Variants in ARHGAP15 observed in about 807,000 individuals in gnomAD.
ARHGAP15 encodes rho GTPase-activating protein 15.
ARHGAP15 carries 51 observed loss-of-function variants against 63.7 expected under a neutral mutation model. The ratio of observed to expected loss-of-function variants is 0.80; its 90% confidence interval spans 0.64 to 1.01. The LOEUF (loss-of-function observed/expected upper bound fraction) is 1.01. Among genes scored for constraint, ARHGAP15 ranks in the 50% least tolerant of loss-of-function variants. The pLI, the probability that ARHGAP15 is intolerant of heterozygous loss-of-function variation, is 0.00. For missense variants in ARHGAP15, 560 were observed against 564.6 expected, an observed-to-expected ratio of 0.99 and a Z score of 0.08; for synonymous variants, 191 against 193.8, an observed-to-expected ratio of 0.99 and a Z score of 0.12.
chr2:143,289,546 A>G (rs1682284921), intron 6 of ARHGAP15, among the ~76,000 whole-genome samples: 1 of 152,188 alleles, frequency 6.6e-6, no homozygotes. Flanking sequence ...AGCAGTTTAC[A>G]GGGTGGAAAA....
At chr2:143,557,505 G>C (rs72990840) in intron 11 of ARHGAP15, among the ~76,000 whole-genome samples, 1 of 152,070 alleles carries the variant, frequency 6.6e-6, no homozygotes, top group East Asian at 1.9e-4. Context: ...GTGAGCACAG[G>C]GGATTTTGAG....
intron 13 of ARHGAP15, among the ~76,000 whole-genome samples, chr2:143,745,363 A>G (rs1051589572): frequency 6.6e-6 from 1 of 152,228 alleles, no homozygotes; most frequent in African/African-American, 2.4e-5. Flanking sequence ...GGCAGCCACC[A>G]TCAGCCAGGT....
chr2:143,262,038 C>A (rs185948878), intron 6 of ARHGAP15, among the ~76,000 whole-genome samples: 16 of 152,152 alleles, frequency 1.1e-4, no homozygotes, highest in Admixed American at 1.0e-3. Context: ...AAGGCTCTTT[C>A]AGGTTTCCTA....
chr2:143,633,946 G>A (rs1400108872), intron 12 of ARHGAP15, among the ~76,000 whole-genome samples: 1 of 152,038 alleles, frequency 6.6e-6, no homozygotes, highest in African/African-American at 2.4e-5. Context: ...ATCTCTAGGA[G>A]AATGGTCTCT....
chr2:143,657,330 G>C (rs72994434), intron 12 of ARHGAP15, among the ~76,000 whole-genome samples: 34,396 of 152,162 alleles, frequency 0.23, 4,274 homozygotes, highest in Middle Eastern at 0.3. Context: ...CTGGGCAACA[G>C]AGTGAGGCTC....
At chr2:143,439,558 C>T (rs1226603129) in intron 8 of ARHGAP15, among the ~76,000 whole-genome samples, 1 of 140,246 alleles carries the variant, frequency 7.1e-6, no homozygotes, top group Non-Finnish European at 1.5e-5. Context: ...AAATATGAAA[C>T]ATTTACTGTG....
intron 4 of ARHGAP15, among the ~76,000 whole-genome samples, chr2:143,226,775 T>C (rs1171234562): frequency 6.6e-6 from 1 of 152,240 alleles, no homozygotes; most frequent in Non-Finnish European, 1.5e-5. Flanking sequence ...AAATACACAT[T>C]GTGCTTCTTG....
At chr2:143,222,760 G>A (rs1031160892) in intron 4 of ARHGAP15, among the ~76,000 whole-genome samples, 26 of 151,282 alleles carry the variant, frequency 1.7e-4, no homozygotes, top group Admixed American at 5.3e-4. Context: ...AGTTTTTTTT[G>A]CATTTTTCCA....
At chr2:143,438,714 C>A (rs1329477768) in intron 8 of ARHGAP15, among the ~76,000 whole-genome samples, 1 of 152,108 alleles carries the variant, frequency 6.6e-6, no homozygotes, top group Non-Finnish European at 1.5e-5. Flanking sequence ...TCCTTTCATG[C>A]CTGATCATTG....
chr2:143,637,653 A>G (rs1210459464), intron 12 of ARHGAP15, among the ~76,000 whole-genome samples: 1 of 152,134 alleles, frequency 6.6e-6, no homozygotes, highest in Non-Finnish European at 1.5e-5. Context: ...CATATAAGAC[A>G]AATTGCAAGG....
chr2:143,625,725 A>G lies in ARHGAP15; in HGVS notation c.1138+1458A>G, dbSNP rs570450206. Among the ~76,000 whole-genome samples the G allele has an allele frequency of 2.0e-5, 3 of 152,320 alleles. No homozygotes were observed. In the East Asian group the frequency reaches 5.8e-4, roughly 29 times the overall value. On this transcript the variant is annotated intron_variant, in intron 12 of 13. Coordinates refer to ENST00000295095, the MANE Select transcript of ARHGAP15 (RefSeq NM_018460.4). ...TCTTGGAACACCCAAGCAACTTACA[A>G]TGTTGGAACAGCGTTCTGGTAGGAA...
chr2:143,320,686 G>A (rs1199650116), intron 6 of ARHGAP15, among the ~76,000 whole-genome samples: 1 of 151,114 alleles, frequency 6.6e-6, no homozygotes, highest in Admixed American at 6.9e-5. Context: ...GGGAAGCTTG[G>A]GAAAATTCTC....
At chr2:143,494,291 T>C (rs1209072318) in intron 9 of ARHGAP15, among the ~76,000 whole-genome samples, 1 of 152,140 alleles carries the variant, frequency 6.6e-6, no homozygotes, top group Admixed American at 6.5e-5. Flanking sequence ...TGTTCCCCAA[T>C]ATTTATATTA....
chr2:143,305,011 A>G (rs982076391), intron 6 of ARHGAP15, among the ~76,000 whole-genome samples: 1 of 152,110 alleles, frequency 6.6e-6, no homozygotes, highest in Non-Finnish European at 1.5e-5. Flanking sequence ...ATTCTACTAT[A>G]AAGACACATG....
At chr2:143,643,193 A>T (rs539565610) in intron 12 of ARHGAP15, among the ~76,000 whole-genome samples, 2 of 152,144 alleles carry the variant, frequency 1.3e-5, no homozygotes, top group East Asian at 3.9e-4. Context: ...AATTGTCAGG[A>T]TATGTTTAAG....
intron 10 of ARHGAP15, among the ~76,000 whole-genome samples, chr2:143,529,287 C>T (rs573371159): frequency 3.3e-5 from 5 of 152,108 alleles, no homozygotes; most frequent in African/African-American, 1.2e-4. Flanking sequence ...ATTCACCAAG[C>T]CTCATGAGCT....
intron 8 of ARHGAP15, among the ~76,000 whole-genome samples, chr2:143,468,663 A>AGAGAGAGTGT (rs764115175): frequency 2.2e-5 from 3 of 136,330 alleles, no homozygotes; most frequent in Non-Finnish European, 3.2e-5. Flanking sequence ...AGAGAGAGAG[A>AGAGAGAGTGT]GTGTGTGTGT....
At chr2:143,430,144 A>G (rs1236792465) in intron 6 of ARHGAP15, among the ~76,000 whole-genome samples, 1 of 151,764 alleles carries the variant, frequency 6.6e-6, no homozygotes, top group Admixed American at 6.6e-5. Context: ...TGGGGATTAC[A>G]AATGCATTTT....
At chr2:143,377,695 G>T (rs796499586) in intron 6 of ARHGAP15, among the ~76,000 whole-genome samples, 37 of 152,072 alleles carry the variant, frequency 2.4e-4, no homozygotes, top group African/African-American at 8.4e-4. Context: ...TTGGAGTTTT[G>T]TAATTAATTT....
Sources: allele counts gnomAD v4.1 joint callset (sites outside exome capture counted in the v4.1 genomes callset), GRCh38; gene constraint gnomAD v4.1.1; transcripts MANE v1.5; gene names NCBI Gene and HGNC (gene_info 2026-07-23, HGNC 2026-07-21).